GSPT1: variants seen among roughly 807,000 people sequenced by gnomAD.
GSPT1 encodes eukaryotic peptide chain release factor GTP-binding subunit ERF3A.
Under a neutral mutation model 72.5 loss-of-function variants are expected in GSPT1, and 20 were observed. The ratio of observed to expected loss-of-function variants is 0.28; its 90% CI spans 0.19 to 0.40. GSPT1 has a LOEUF of 0.40. Among genes scored for constraint, GSPT1 ranks in the 10% least tolerant of loss-of-function variants. The probability of loss-of-function intolerance (pLI) is 1.00; values close to 1 mark genes in which losing one functional copy is unlikely to be tolerated. For synonymous variants in GSPT1, 334 were observed against 293.5 expected (o/e 1.14, Z -1.41); for missense variants, 580 against 811.9 (o/e 0.71, Z 3.47).
At chr16:11,915,140 CG>C (rs1278136461) in intron 1 of GSPT1, 19 of 1,059,802 alleles carry the variant, frequency 1.8e-5, no homozygotes, top group Non-Finnish European at 1.7e-5. Context: ...CACTCGGGTC[CG>C]GGTCTTTGGG....
intron 1 of GSPT1, among the ~76,000 whole-genome samples, chr16:11,911,513 G>A (rs1239693758): frequency 6.7e-6 from 1 of 150,040 alleles, no homozygotes; most frequent in Non-Finnish European, 1.5e-5. Context: ...AACCTCCCAA[G>A]TAGCTGGGAC....
intron 11 of GSPT1, 113 bp downstream of exon 11, chr16:11,882,902 A>C (rs1476628232): frequency 1.5e-6 from 1 of 660,438 alleles, no homozygotes; most frequent in African/African-American, 1.8e-5. Context: ...GGCTGCAATA[A>C]GCTATGAATG....
chr16:11,873,599 C>T (rs561525608), intron 14 of GSPT1, among the ~76,000 whole-genome samples: 101 of 152,062 alleles, frequency 6.6e-4, no homozygotes, highest in Middle Eastern at 6.8e-3. Flanking sequence ...GCATGAGCCA[C>T]TGCATAAAGA....
chr16:11,907,499 C>A (rs1448166459), intron 1 of GSPT1, among the ~76,000 whole-genome samples: 2 of 152,164 alleles, frequency 1.3e-5, no homozygotes, highest in Non-Finnish European at 2.9e-5. Context: ...CACTTCAAAG[C>A]CCCAAAATAA....
chr16:11,898,175 C>T (rs2054363589), intron 1 of GSPT1, 140 bp from the exon 2 acceptor site: 3 of 619,824 alleles, frequency 4.8e-6, no homozygotes, highest in East Asian at 2.8e-5. Flanking sequence ...GCAGCTAACT[C>T]AGGCCTTCAA....
chr16:11,884,892 C>G (rs924895992), intron 10 of GSPT1, among the ~76,000 whole-genome samples: 1 of 151,416 alleles, frequency 6.6e-6, no homozygotes, highest in African/African-American at 2.4e-5. Context: ...CACAGTGAAA[C>G]CCCGTCTCTA....
chr16:11,906,475 A>C (rs1192354866), intron 1 of GSPT1, among the ~76,000 whole-genome samples: 2 of 152,110 alleles, frequency 1.3e-5, no homozygotes, highest in Non-Finnish European at 2.9e-5. Context: ...TACAAAAAAA[A>C]ATGTAAAAAT....
At chr16:11,893,018 G>A (rs942030865) in intron 5 of GSPT1, among the ~76,000 whole-genome samples, 4 of 151,970 alleles carry the variant, frequency 2.6e-5, no homozygotes, top group Middle Eastern at 3.4e-3. Flanking sequence ...GGAACTTCCC[G>A]TACTGTTTTT....
At chr16:11,886,651 T>G in intron 8 of GSPT1, 40 bp from the exon 9 acceptor site, 1 of 1,572,462 alleles carries the variant, frequency 6.4e-7, no homozygotes, top group Middle Eastern at 1.8e-4. Flanking sequence ...AATTATAATG[T>G]AAACCAAGAA....
chr16:11,888,160 AAAAC>A (rs1382543845), intron 6 of GSPT1, among the ~76,000 whole-genome samples: 1 of 151,792 alleles, frequency 6.6e-6, no homozygotes, highest in Non-Finnish European at 1.5e-5. Context: ...GTCTCAAAAG[AAAAC>A]AAAGAAATTG....
chr16:11,895,349 TG>T (rs1487898932), intron 4 of GSPT1: 5 of 172,542 alleles, frequency 2.9e-5, no homozygotes, highest in Non-Finnish European at 4.9e-5. Flanking sequence ...GAGAATCGCG[TG>T]AACTCGGGAA....
At chr16:11,914,206 T>A (rs1489253450) in intron 1 of GSPT1, among the ~76,000 whole-genome samples, 4 of 152,196 alleles carry the variant, frequency 2.6e-5, no homozygotes, top group Non-Finnish European at 4.4e-5. Flanking sequence ...AAGGAAACAC[T>A]GATAGTTCCT....
intron 1 of GSPT1, among the ~76,000 whole-genome samples, chr16:11,902,019 G>A (rs1042882653): frequency 6.6e-5 from 10 of 150,780 alleles, no homozygotes; most frequent in African/African-American, 2.4e-4. Flanking sequence ...TACCCGGGAG[G>A]CAGAGGTTGC....
At chr16:11,904,219 ATTTAT>A (rs923753587) in intron 1 of GSPT1, 11 of 156,754 alleles carry the variant, frequency 7.0e-5, no homozygotes, top group African/African-American at 2.2e-4. Context: ...TATTTTATTT[ATTTAT>A]TTTGAGTCTT....
intron 1 of GSPT1, among the ~76,000 whole-genome samples, chr16:11,901,728 G>A (rs1267040521): frequency 6.6e-6 from 1 of 151,644 alleles, no homozygotes; most frequent in Non-Finnish European, 1.5e-5. Context: ...GGTAGCAGAG[G>A]TCGCAGTGAG....
chr16:11,914,393 A>C (rs1344563284), intron 1 of GSPT1, among the ~76,000 whole-genome samples: 1 of 152,172 alleles, frequency 6.6e-6, no homozygotes, highest in African/African-American at 2.4e-5. Context: ...CTACGACTTA[A>C]GCAACCCCTA....
chr16:11,901,013 AAAAAAC>A (rs2054399283), intron 1 of GSPT1, among the ~76,000 whole-genome samples: 2 of 152,086 alleles, frequency 1.3e-5, no homozygotes, highest in African/African-American at 4.8e-5. Context: ...AACAAAAAAC[AAAAAAC>A]AAAAAACTGT....
In GSPT1 at chr16:11,885,284, TAAC is replaced by T. The variant is rs1470851878; in HGVS notation, c.1254-13_1254-11del. On this transcript the variant is annotated splice_polypyrimidine_tract_variant and intron_variant, in intron 9 of 14. Coordinates refer to ENST00000434724, the MANE Select transcript of GSPT1 (RefSeq NM_002094.4). ...AATAAACGGTAATCCACTGAGAACATAACAACAAAGCCATTAAAGGAAGTCAAC... is the reference window on the plus strand; with the variant it reads ...AATAAACGGTAATCCACTGAGAACATAACAAAGCCATTAAAGGAAGTCAAC... 2.9e-6 allele frequency: 4 copies of T among 1,366,536 alleles called. No homozygotes were observed. In the African/African-American group the frequency reaches 4.3e-5, roughly 15 times the overall value. The allele number at this position is 1,366,536 out of a possible 1,614,324, so 84.7% of individuals were successfully genotyped here. A position where few individuals can be genotyped will look rare whatever the true frequency, so the allele number is the denominator to read the frequency against.
chr16:11,891,388 G>C (rs1239242843), intron 5 of GSPT1, among the ~76,000 whole-genome samples: 2 of 146,204 alleles, frequency 1.4e-5, no homozygotes, highest in African/African-American at 5.0e-5. Context: ...TTGAGACAGA[G>C]TTTCGCTCTT....
Sources: gnomAD v4.1 joint callset for allele counts (sites outside exome capture counted in the v4.1 genomes callset) on GRCh38, gnomAD v4.1.1 for gene constraint, MANE v1.5 for transcripts, NCBI Gene and HGNC (gene_info 2026-07-23, HGNC 2026-07-21) for gene names.